Variants in FER1L6 observed in about 807,000 individuals in gnomAD.
FER1L6 encodes the protein fer-1-like protein 6.
Under a neutral mutation model 219.2 loss-of-function variants are expected in FER1L6, and 177 were observed. That is an observed-to-expected ratio of 0.81 (90% CI 0.71 to 0.91). FER1L6 has a LOEUF of 0.91. FER1L6 is among the 40% of genes least tolerant of loss of function. The pLI is 0.00. For synonymous variants in FER1L6, 768 were observed against 824.3 expected (o/e 0.93, Z 1.17); for missense variants, 2,153 against 2,259.9 (o/e 0.95, Z 0.96).
chr8:123,855,679 ATATGTGTGTG>A (rs1204496519), intron 1 of FER1L6, among the ~76,000 whole-genome samples: 2 of 71,816 alleles, frequency 2.8e-5, no homozygotes, highest in Non-Finnish European at 5.6e-5. Context: ...AGTGAAAACC[ATATGTGTGTG>A]TGTGTGTGTG....
intron 22 of FER1L6, among the ~76,000 whole-genome samples, chr8:124,051,163 C>T (rs556627875): frequency 2.2e-4 from 33 of 152,128 alleles, no homozygotes; most frequent in Middle Eastern, 6.8e-3. Context: ...CTCTCTTGGT[C>T]GCATGAAGAT....
intron 9 of FER1L6, 98 bp from the exon 10 acceptor site, chr8:123,977,319 T>C: frequency 1.6e-6 from 2 of 1,252,020 alleles, no homozygotes; most frequent in South Asian, 2.9e-5. Context: ...AGGTTCATTA[T>C]CTTTGAAAAC....
Position 124,114,903 on chromosome 8 carries a change from A to G in FER1L6, c.5290-3941A>G, listed in dbSNP as rs978273826. Reference sequence around the variant, plus strand: ...ATGCAGTGTGTGTGTGCGTATATATATATATATATATATATATATATATAT... The same window carrying G: ...ATGCAGTGTGTGTGTGCGTATATATGTATATATATATATATATATATATAT... On this transcript the variant is annotated intron_variant, in intron 39 of 40. Coordinates refer to ENST00000522917, the MANE Select transcript of FER1L6 (RefSeq NM_001039112.2). Among the ~76,000 whole-genome samples, 293 of 120,854 alleles carry G rather than the reference A, an allele frequency of 2.4e-3. 2 individuals are homozygous for G. Among genetic ancestry groups the G allele is most frequent in the African/African-American group, 9.8e-3 (236 of 24,050 alleles). 79.3% of individuals were successfully genotyped at this position (120,854 alleles called of 152,430 possible).
At chr8:124,018,210 AG>A (rs1802362506) in intron 16 of FER1L6, among the ~76,000 whole-genome samples, 1 of 152,212 alleles carries the variant, frequency 6.6e-6, no homozygotes, top group African/African-American at 2.4e-5. Context: ...ACTGGTGACT[AG>A]AATTGCCAGA....
At chr8:123,977,720 A>G in intron 10 of FER1L6, 111 bp downstream of exon 10, 2 of 943,924 alleles carry the variant, frequency 2.1e-6, no homozygotes, top group Non-Finnish European at 3.2e-6. Flanking sequence ...CTGGCACCAG[A>G]TACCAGTTTT....
rs374065649 is a variant in FER1L6 at position 124,055,809 on chromosome 8, G to A, written c.2875-4371G>A. Reference sequence around the variant, plus strand: ...TAGATGTTTGAAAGGGTCCCTCATCGGGGCATCAGCAGGTCTGTGTTCCTT... The same window carrying A: ...TAGATGTTTGAAAGGGTCCCTCATCAGGGCATCAGCAGGTCTGTGTTCCTT... On this transcript the variant is annotated intron_variant, in intron 22 of 40. Transcript: ENST00000522917. Among the ~76,000 whole-genome samples, 29 of 152,122 alleles carry A rather than the reference G, an allele frequency of 1.9e-4. No homozygotes were observed. In the East Asian group the frequency reaches 3.9e-3, roughly 20 times the overall value.
chr8:123,871,673 C>T (rs936077147), intron 1 of FER1L6, among the ~76,000 whole-genome samples: 1 of 152,016 alleles, frequency 6.6e-6, no homozygotes, highest in Non-Finnish European at 1.5e-5. Flanking sequence ...GTATAGATAC[C>T]TCAAGGAGGT....
At chr8:123,946,224 T>A (rs1401558114) in intron 1 of FER1L6, among the ~76,000 whole-genome samples, 5 of 152,322 alleles carry the variant, frequency 3.3e-5, no homozygotes, top group Admixed American at 3.3e-4. Flanking sequence ...AATTTTGCTA[T>A]CTGTTTAATG....
chr8:124,056,580 G>T (rs533998122), intron 22 of FER1L6, among the ~76,000 whole-genome samples: 1 of 152,328 alleles, frequency 6.6e-6, no homozygotes, highest in South Asian at 2.1e-4. Context: ...TGAGTTAGAT[G>T]ATTTAATTAG....
At chr8:124,019,517 A>G (rs1015430923) in intron 16 of FER1L6, among the ~76,000 whole-genome samples, 4 of 152,242 alleles carry the variant, frequency 2.6e-5, no homozygotes, top group African/African-American at 9.6e-5. Flanking sequence ...GGCTCCAAGC[A>G]TAGTGCCTGG....
chr8:123,993,027 T>C (rs1291292233), intron 12 of FER1L6, among the ~76,000 whole-genome samples: 1 of 152,230 alleles, frequency 6.6e-6, no homozygotes, highest in African/African-American at 2.4e-5. Flanking sequence ...GGAATTGATA[T>C]CTAGTTTTAT....
intron 20 of FER1L6, among the ~76,000 whole-genome samples, chr8:124,043,504 G>C (rs940191256): frequency 1.3e-5 from 2 of 152,150 alleles, no homozygotes; most frequent in Admixed American, 1.3e-4. Flanking sequence ...TAAGAAATGA[G>C]GCGAATTATA....
chr8:123,865,603 T>C (rs922780114), intron 1 of FER1L6, among the ~76,000 whole-genome samples: 2 of 151,358 alleles, frequency 1.3e-5, no homozygotes, highest in Non-Finnish European at 2.9e-5. Flanking sequence ...TGCAGTTTGA[T>C]CTCAGACCGC....
intron 33 of FER1L6, among the ~76,000 whole-genome samples, chr8:124,086,564 G>A (rs1385514464): frequency 6.6e-6 from 1 of 151,454 alleles, no homozygotes; most frequent in Non-Finnish European, 1.5e-5. Context: ...TTTAAAAGTT[G>A]TTGTAGTTAT....
intron 11 of FER1L6, 59 bp downstream of exon 11, chr8:123,980,870 G>C (rs1586548747): frequency 7.2e-7 from 1 of 1,391,822 alleles, no homozygotes; most frequent in East Asian, 2.3e-5. Flanking sequence ...AGCAGGGACT[G>C]CCCCTGCCAC....
intron 1 of FER1L6, among the ~76,000 whole-genome samples, chr8:123,946,691 C>G (rs950213699): frequency 6.6e-6 from 1 of 152,102 alleles, no homozygotes; most frequent in African/African-American, 2.4e-5. Context: ...CCACATTGGG[C>G]CACCTGGTTA....
intron 18 of FER1L6, among the ~76,000 whole-genome samples, chr8:124,030,051 G>C (rs1260323140): frequency 2.0e-5 from 3 of 152,126 alleles, no homozygotes; most frequent in Non-Finnish European, 4.4e-5. Flanking sequence ...TTTGTGTCAG[G>C]TTTGTCAAAG....
intron 1 of FER1L6, among the ~76,000 whole-genome samples, chr8:123,887,418 A>C (rs188210425): frequency 1.3e-5 from 2 of 152,086 alleles, no homozygotes; most frequent in Non-Finnish European, 2.9e-5. Context: ...AAAGCTGCCC[A>C]TTTAATCTTG....
intron 1 of FER1L6, among the ~76,000 whole-genome samples, chr8:123,936,482 T>TC (rs1814013768): frequency 5.3e-5 from 8 of 151,136 alleles, no homozygotes; most frequent in African/African-American, 7.3e-5. Flanking sequence ...TTTTTTTTTT[T>TC]TTTTGTAAAC....
Sources: gnomAD v4.1 joint callset for allele counts (sites outside exome capture counted in the v4.1 genomes callset) on GRCh38, gnomAD v4.1.1 for gene constraint, MANE v1.5 for transcripts, NCBI Gene and HGNC (gene_info 2026-07-23, HGNC 2026-07-21) for gene names.